NXPE4: variants seen among roughly 807,000 people sequenced by gnomAD.
NXPE4 encodes neurexophilin and PC-esterase domain family member 4.
NXPE4 carries 42 observed loss-of-function variants against 33.3 expected under a neutral mutation model. The observed-to-expected ratio is 1.26, with a 90% confidence interval of 0.98 to 1.63. NXPE4 has a LOEUF of 1.63. Ranked by LOEUF, NXPE4 falls within the 40% of genes most tolerant of loss-of-function variation. The pLI is 0.00. For missense variants in NXPE4, 709 were observed against 647.6 expected, an observed-to-expected ratio of 1.09 and a Z score of -1.03; for synonymous variants, 253 against 234.9, an observed-to-expected ratio of 1.08 and a Z score of -0.71.
the NXPE4 span, among the ~76,000 whole-genome samples, chr11:114,651,022 T>G: frequency 1.5e-4 from 23 of 152,154 alleles, no homozygotes; most frequent in Admixed American, 1.5e-3. Flanking sequence ...CAACAAAGAA[T>G]TTGAAGTCTG....
chr11:114,590,020 C>A (rs901913869), intron 2 of NXPE4, among the ~76,000 whole-genome samples: 1 of 152,210 alleles, frequency 6.6e-6, no homozygotes, highest in African/African-American at 2.4e-5. Context: ...TCCTGACTCT[C>A]AATACCTGTT....
the NXPE4 span, among the ~76,000 whole-genome samples, chr11:114,649,639 A>G: frequency 6.6e-6 from 1 of 152,204 alleles, no homozygotes; most frequent in African/African-American, 2.4e-5. Flanking sequence ...ATACACCCCT[A>G]TGAAATATAA....
the NXPE4 span, among the ~76,000 whole-genome samples, chr11:114,674,037 T>G: frequency 3.3e-5 from 5 of 151,628 alleles, no homozygotes; most frequent in Admixed American, 2.6e-4. Context: ...TAGTGGAGAT[T>G]AAAAATTTCA....
At chr11:114,593,270 T>G (rs1037407570) in intron 2 of NXPE4, among the ~76,000 whole-genome samples, 9 of 152,170 alleles carry the variant, frequency 5.9e-5, no homozygotes, top group African/African-American at 1.9e-4. Context: ...GTTTGCAAAC[T>G]ATCCATCTGA....
At chr11:114,601,858 T>C in the NXPE4 span, among the ~76,000 whole-genome samples, 6 of 20,936 alleles carry the variant, frequency 2.9e-4, no homozygotes, top group African/African-American at 1.6e-3. Flanking sequence ...AAATATATAA[T>C]ATACAATTAT....
chr11:114,572,646 TAACTC>T (rs1948917103), intron 5 of NXPE4, among the ~76,000 whole-genome samples: 1 of 151,982 alleles, frequency 6.6e-6, no homozygotes, highest in African/African-American at 2.4e-5. Flanking sequence ...GCTTTAGAAT[TAACTC>T]AATCCATCAA....
At chr11:114,635,971 T>G in the NXPE4 span, among the ~76,000 whole-genome samples, 2 of 152,116 alleles carry the variant, frequency 1.3e-5, no homozygotes, top group African/African-American at 4.8e-5. Flanking sequence ...AGGATGATGC[T>G]GGCCTCATAA....
Position 114,574,644 on chromosome 11 carries a change from A to C in NXPE4, c.1100-3171T>G, listed in dbSNP as rs185841817. On this transcript the variant is annotated intron_variant, in intron 5 of 5. Transcript: ENST00000375478. ...ATATACAACCCTCCTAGATTAAACC[A>C]GGAAGATATAGAATCTCTGAACAGA... Among the ~76,000 whole-genome samples, 451 of 152,300 alleles carry C rather than the reference A, an allele frequency of 3.0e-3. 3 individuals are homozygous for C. The highest frequency in any genetic ancestry group is 0.011 in the African/African-American group (437 of 41,578).
chr11:114,608,455 A>C, the NXPE4 span, among the ~76,000 whole-genome samples: 2 of 149,984 alleles, frequency 1.3e-5, no homozygotes, highest in African/African-American at 2.5e-5. Context: ...TGTTACTCAG[A>C]GGATAGTAAG....
chr11:114,584,739 T>G (rs1949250212), intron 2 of NXPE4: 1 of 152,796 alleles, frequency 6.5e-6, no homozygotes, highest in African/African-American at 2.4e-5. Flanking sequence ...GTCCCCAATC[T>G]TTCTCTCCCA....
the NXPE4 span, among the ~76,000 whole-genome samples, chr11:114,630,843 C>T: frequency 6.6e-6 from 1 of 151,362 alleles, no homozygotes; most frequent in Non-Finnish European, 1.5e-5. Flanking sequence ...AACAAACAAC[C>T]CCATCAAAAA....
intron 2 of NXPE4, chr11:114,583,479 T>C: frequency 1.5e-6 from 1 of 651,390 alleles, no homozygotes; most frequent in Non-Finnish European, 2.9e-6. Context: ...ATTAAATTCT[T>C]GTGCTCCATC....
the NXPE4 span, among the ~76,000 whole-genome samples, chr11:114,664,067 T>G: frequency 6.6e-6 from 1 of 152,296 alleles, no homozygotes; most frequent in East Asian, 1.9e-4. Flanking sequence ...CACAAAAGTT[T>G]ATACGTGATT....
chr11:114,628,010 A>G, the NXPE4 span, among the ~76,000 whole-genome samples: 1 of 151,782 alleles, frequency 6.6e-6, no homozygotes, highest in African/African-American at 2.4e-5. Context: ...GAGCACCTAG[A>G]TTCATAAAGC....
chr11:114,604,377 C>T, the NXPE4 span, among the ~76,000 whole-genome samples: 2 of 151,968 alleles, frequency 1.3e-5, no homozygotes, highest in Admixed American at 6.6e-5. Flanking sequence ...AGTGTTGCCT[C>T]GTGGGTAACC....
the NXPE4 span, among the ~76,000 whole-genome samples, chr11:114,621,098 T>C: frequency 3.9e-5 from 6 of 152,128 alleles, no homozygotes; most frequent in African/African-American, 1.4e-4. Flanking sequence ...TATTGGCACA[T>C]GGGAAACCAC....
At chr11:114,612,342 C>T in the NXPE4 span, among the ~76,000 whole-genome samples, 1 of 144,936 alleles carries the variant, frequency 6.9e-6, no homozygotes, top group South Asian at 2.2e-4. Flanking sequence ...ATAGTAAGTA[C>T]TGCCTCGTGG....
the NXPE4 span, among the ~76,000 whole-genome samples, chr11:114,611,859 T>C: frequency 2.0e-3 from 301 of 152,074 alleles, 2 homozygotes; most frequent in African/African-American, 5.9e-3. Context: ...GAAACCACTG[T>C]TACCTGGTGT....
At chr11:114,664,970 T>C in the NXPE4 span, among the ~76,000 whole-genome samples, 1 of 152,202 alleles carries the variant, frequency 6.6e-6, no homozygotes, top group Non-Finnish European at 1.5e-5. Flanking sequence ...GTAGGTTAGA[T>C]GTATTAAATG....
Sources: allele counts gnomAD v4.1 joint callset (sites outside exome capture counted in the v4.1 genomes callset), GRCh38; gene constraint gnomAD v4.1.1; transcripts MANE v1.5; gene names NCBI Gene and HGNC (gene_info 2026-07-23, HGNC 2026-07-21).